The following ADGRL3 variants were observed in gnomAD, a reference collection of about 807,000 sequenced individuals.
ADGRL3 encodes adhesion G protein-coupled receptor L3.
In ADGRL3, 62 loss-of-function variants were observed where a neutral mutation model predicts 153.5. The ratio of observed to expected loss-of-function variants is 0.40; its 90% CI spans 0.33 to 0.50. The LOEUF (loss-of-function observed/expected upper bound fraction) is 0.50, where lower values mean the gene tolerates loss of function less well. Among genes scored for constraint, ADGRL3 ranks in the 20% least tolerant of loss-of-function variants. The pLI is 0.47. For synonymous variants in ADGRL3, 710 were observed against 672.5 expected (o/e 1.06, Z -0.86); for missense variants, 1,641 against 1,859.4 (o/e 0.88, Z 2.16).
intron 8 of ADGRL3, among the ~76,000 whole-genome samples, chr4:61,773,587 T>A (rs2097110871): frequency 6.6e-6 from 1 of 152,232 alleles, no homozygotes; most frequent in Admixed American, 6.5e-5. Context: ...TTGCAGGTAC[T>A]GTGCTTATTA....
At chr4:61,886,445 A>G (rs1195344451) in intron 9 of ADGRL3, among the ~76,000 whole-genome samples, 1 of 152,192 alleles carries the variant, frequency 6.6e-6, no homozygotes, top group Non-Finnish European at 1.5e-5. Context: ...TTCTGTAGTC[A>G]GCCAAAAGAT....
In ADGRL3 at chr4:61,636,539, T is replaced by C. The variant is rs539637981; in HGVS notation, c.474-40287T>C. On this transcript the variant is annotated intron_variant, in intron 5 of 26. Coordinates refer to ENST00000683033, the MANE Select transcript of ADGRL3 (RefSeq NM_001387552.1). Reference sequence around the variant, plus strand: ...TTTTAAAAAGAAGGTGAAATGGAGATACTTCCCAAAATTTAAAAAGCTAAA... The same window carrying C: ...TTTTAAAAAGAAGGTGAAATGGAGACACTTCCCAAAATTTAAAAAGCTAAA... 2.6e-5 allele frequency among the ~76,000 whole-genome samples: 4 copies of C among 152,230 alleles called. No individual in the cohort carries two copies. In the East Asian group the frequency reaches 5.8e-4, roughly 22 times the overall value.
chr4:62,007,301 G>T (rs543169087), intron 21 of ADGRL3, among the ~76,000 whole-genome samples: 1 of 142,764 alleles, frequency 7.0e-6, no homozygotes, highest in East Asian at 2.1e-4. Flanking sequence ...CAAAGGGGCT[G>T]TGGGAACAGG....
chr4:61,935,668 A>C (rs1408182738), intron 14 of ADGRL3, among the ~76,000 whole-genome samples: 1 of 152,270 alleles, frequency 6.6e-6, no homozygotes, highest in South Asian at 2.1e-4. Flanking sequence ...ATGACAATGT[A>C]TTAGAATTTG....
chr4:61,466,600 T>C (rs1028805970), intron 2 of ADGRL3, among the ~76,000 whole-genome samples: 13 of 152,140 alleles, frequency 8.5e-5, no homozygotes, highest in African/African-American at 3.1e-4. Flanking sequence ...CGTCAGGAGA[T>C]TGTAAGTTGT....
chr4:61,512,269 A>T (rs1292021707), intron 3 of ADGRL3, among the ~76,000 whole-genome samples: 1 of 152,192 alleles, frequency 6.6e-6, no homozygotes, highest in Non-Finnish European at 1.5e-5. Context: ...TAGCTCAGTG[A>T]ATACTCATAA....
At chr4:61,467,265 G>A (rs539286187) in intron 2 of ADGRL3, among the ~76,000 whole-genome samples, 5 of 152,232 alleles carry the variant, frequency 3.3e-5, no homozygotes, top group African/African-American at 1.2e-4. Flanking sequence ...GAACATCAAT[G>A]TCAAAGCTTG....
At chr4:61,648,108 G>A (rs6851424) in intron 5 of ADGRL3, among the ~76,000 whole-genome samples, 55,202 of 151,840 alleles carry the variant, frequency 0.36, 11,623 homozygotes, top group Non-Finnish European at 0.49. Context: ...AATAATGGCT[G>A]TTATTATTTC....
At chr4:61,625,066 A>G (rs374553128) in intron 5 of ADGRL3, among the ~76,000 whole-genome samples, 1 of 152,146 alleles carries the variant, frequency 6.6e-6, no homozygotes, top group African/African-American at 2.4e-5. Context: ...CTGCAAATGT[A>G]GAACGTGAAA....
rs538237108 is a variant in ADGRL3 at position 61,487,713 on chromosome 4, G to A, written c.-173-9408G>A. On this transcript the variant is annotated intron_variant, in intron 2 of 26. Transcript: ENST00000683033. ...AAATATATTTTAAAAGTATAGCTAT[G>A]TTCATTTAGACTTGTTTTTCATAAC... is the stretch of plus-strand genomic sequence containing the variant. Among the ~76,000 whole-genome samples, 5 of 151,932 alleles carry A rather than the reference G, an allele frequency of 3.3e-5. No homozygotes were observed. In the East Asian group the frequency reaches 9.7e-4, roughly 29 times the overall value.
intron 4 of ADGRL3, among the ~76,000 whole-genome samples, chr4:61,568,730 T>C (rs1436410037): frequency 6.6e-6 from 1 of 152,154 alleles, no homozygotes; most frequent in East Asian, 1.9e-4. Context: ...TTTGATCCTA[T>C]TATATCCTTC....
chr4:61,394,843 T>C (rs2096852137), intron 2 of ADGRL3, among the ~76,000 whole-genome samples: 2 of 152,118 alleles, frequency 1.3e-5, no homozygotes, highest in South Asian at 4.1e-4. Flanking sequence ...AGCAAGCAGT[T>C]GTTTGTTGGC....
At chr4:61,471,975 T>G (rs1029026316) in intron 2 of ADGRL3, among the ~76,000 whole-genome samples, 1 of 152,078 alleles carries the variant, frequency 6.6e-6, no homozygotes, top group Non-Finnish European at 1.5e-5. Context: ...ACACAATACA[T>G]TAAATACAAT....
chr4:61,702,003 G>A (rs549620213), intron 6 of ADGRL3, among the ~76,000 whole-genome samples: 2 of 152,252 alleles, frequency 1.3e-5, no homozygotes, highest in South Asian at 4.2e-4. Flanking sequence ...TTATGGAATT[G>A]TAGAATTAGG....
chr4:61,728,852 C>A (rs1207322671), intron 6 of ADGRL3, among the ~76,000 whole-genome samples: 1 of 151,914 alleles, frequency 6.6e-6, no homozygotes, highest in Non-Finnish European at 1.5e-5. Flanking sequence ...AGTTGTCAGT[C>A]TGAATATAGG....
intron 6 of ADGRL3, among the ~76,000 whole-genome samples, chr4:61,710,589 A>T (rs2095955341): frequency 6.6e-6 from 1 of 152,216 alleles, no homozygotes; most frequent in African/African-American, 2.4e-5. Context: ...TATACTAAGC[A>T]AGGGAATTGT....
chr4:61,278,707 T>C (rs2093594797), intron 1 of ADGRL3, among the ~76,000 whole-genome samples: 1 of 152,066 alleles, frequency 6.6e-6, no homozygotes, highest in Admixed American at 6.6e-5. Flanking sequence ...AGTTTCACCA[T>C]GTTGGCCAGG....
chr4:61,933,517 T>C (rs758152306), intron 13 of ADGRL3, among the ~76,000 whole-genome samples: 2 of 152,188 alleles, frequency 1.3e-5, no homozygotes, highest in African/African-American at 4.8e-5. Context: ...GTGTTGTTTC[T>C]CTTTTAAAAA....
intron 5 of ADGRL3, among the ~76,000 whole-genome samples, chr4:61,668,686 T>G (rs865927058): frequency 1.8e-4 from 28 of 152,180 alleles, no homozygotes; most frequent in Middle Eastern, 3.2e-3. Context: ...TATCCTATAG[T>G]ACTTTTAGTT....
Sources: gnomAD v4.1 joint callset for allele counts (sites outside exome capture counted in the v4.1 genomes callset) on GRCh38, gnomAD v4.1.1 for gene constraint, MANE v1.5 for transcripts, NCBI Gene and HGNC (gene_info 2026-07-23, HGNC 2026-07-21) for gene names.